Variants in ADCY1 observed in about 807,000 individuals in gnomAD.
ADCY1 encodes the protein adenylate cyclase type 1.
A neutral mutation model predicts 105.4 loss-of-function variants in ADCY1; 28 were observed. That is an observed-to-expected ratio of 0.27 (90% CI 0.20 to 0.36). The LOEUF is 0.36. Among genes scored for constraint, ADCY1 ranks in the 10% least tolerant of loss-of-function variants. The probability of loss-of-function intolerance (pLI) is 1.00; values close to 1 mark genes in which losing one functional copy is unlikely to be tolerated. For synonymous variants in ADCY1, 655 were observed against 623.8 expected (o/e 1.05, Z -0.75); for missense variants, 977 against 1,434.2 (o/e 0.68, Z 5.15).
At chr7:45,667,739 A>C (rs1180208351) in intron 8 of ADCY1, among the ~76,000 whole-genome samples, 1 of 152,108 alleles carries the variant, frequency 6.6e-6, no homozygotes, top group Non-Finnish European at 1.5e-5. Flanking sequence ...CATTTTCATG[A>C]TATTAATTCT....
At chr7:45,601,520 G>A (rs540323695) in intron 2 of ADCY1, among the ~76,000 whole-genome samples, 1 of 152,190 alleles carries the variant, frequency 6.6e-6, no homozygotes, top group Admixed American at 6.5e-5. Context: ...AACTTTAGAG[G>A]CCATTATTGT....
chr7:45,608,615 G>T (rs1313694371), intron 2 of ADCY1, among the ~76,000 whole-genome samples: 2 of 152,260 alleles, frequency 1.3e-5, no homozygotes, highest in African/African-American at 4.8e-5. Context: ...AAGTCAGGAT[G>T]TGTGCCAGGG....
Position 45,708,065 on chromosome 7 carries a change from G to A in ADCY1, c.2818-285G>A, listed in dbSNP as rs1377026323. 1.3e-5 allele frequency among the ~76,000 whole-genome samples: 2 copies of A among 152,190 alleles called. No homozygotes were observed. The highest frequency in any genetic ancestry group is 2.9e-5 in the Non-Finnish European group (2 of 68,038). On this transcript the variant is annotated intron_variant, in intron 17 of 19. Coordinates refer to ENST00000297323, the MANE Select transcript of ADCY1 (RefSeq NM_021116.4). The surrounding 1 kb of genome is among the most constrained non-coding windows in gnomAD (Gnocchi z 4.7). The stretch of plus-strand genomic sequence containing the variant: ...GCCATTAGCAACGCTGTCCAAGCAG[G>A]AGTTTGAGCACCTGGTCTCCCACTC...
At chr7:45,632,478 A>G (rs1422221758) in intron 4 of ADCY1, among the ~76,000 whole-genome samples, 2 of 151,314 alleles carry the variant, frequency 1.3e-5, no homozygotes, top group African/African-American at 4.9e-5. Context: ...AGATTTATTT[A>G]GATATTCTTT....
At chr7:45,693,117 G>A (rs957789785) in intron 14 of ADCY1, among the ~76,000 whole-genome samples, 1 of 152,144 alleles carries the variant, frequency 6.6e-6, no homozygotes, top group Non-Finnish European at 1.5e-5. Context: ...CGATAGAATC[G>A]CTGGACAGAA....
chr7:45,652,329 C>T (rs745489962), intron 5 of ADCY1, among the ~76,000 whole-genome samples: 1 of 152,128 alleles, frequency 6.6e-6, no homozygotes, highest in African/African-American at 2.4e-5. Context: ...TTGAAGCATC[C>T]CATGCAGATT....
chr7:45,712,795 G>A (rs998135295), intron 19 of ADCY1, among the ~76,000 whole-genome samples: 2 of 152,180 alleles, frequency 1.3e-5, no homozygotes, highest in African/African-American at 4.8e-5. Context: ...CATGTCCTCT[G>A]TTCACAGGAC....
At chr7:45,631,771 A>G (rs1794265840) in intron 4 of ADCY1, among the ~76,000 whole-genome samples, 1 of 152,260 alleles carries the variant, frequency 6.6e-6, no homozygotes, top group East Asian at 1.9e-4. Context: ...AATAATCACA[A>G]TCATTTGTTT....
At chr7:45,607,207 A>G (rs1027111315) in intron 2 of ADCY1, among the ~76,000 whole-genome samples, 1 of 152,212 alleles carries the variant, frequency 6.6e-6, no homozygotes. Flanking sequence ...AGTGGCTTAC[A>G]GAAGTAACAT....
chr7:45,715,827 G>A lies in ADCY1; in HGVS notation c.*1832G>A, dbSNP rs1785348018. On this transcript the variant is annotated 3_prime_UTR_variant, in exon 20 of 20. Coordinates refer to ENST00000297323, the MANE Select transcript of ADCY1 (RefSeq NM_021116.4). ...AAGGCGGGTAGAGGCTGCATGTGGGGGCCCCTGTCTGCCTGTCCTTAGGGT... is the reference window on the plus strand; with the variant it reads ...AAGGCGGGTAGAGGCTGCATGTGGGAGCCCCTGTCTGCCTGTCCTTAGGGT... 6.5e-6 allele frequency: 1 copy of A among 152,712 alleles called. No individual in the cohort carries two copies. The highest frequency in any genetic ancestry group is 1.9e-4 in the East Asian group (1 of 5,208). The allele number at this position is 152,712 out of a possible 1,614,324, so 9.5% of individuals were successfully genotyped here.
In ADCY1 at chr7:45,685,943, G is replaced by C; in HGVS notation, c.2074-19G>C. 1 of 1,606,226 alleles carries C rather than the reference G, an allele frequency of 6.2e-7. No homozygotes were observed. The highest frequency in any genetic ancestry group is 8.5e-7 in the Non-Finnish European group (1 of 1,175,748). On this transcript the variant is annotated intron_variant, in intron 12 of 19. Coordinates refer to ENST00000297323, the MANE Select transcript of ADCY1 (RefSeq NM_021116.4). The stretch of plus-strand genomic sequence containing the variant: ...TTCACCTGCCCTTTGCTAAGCCCCT[G>C]TGACCCCTCCCTTCCCAGGTGGGCT...
intron 18 of ADCY1, among the ~76,000 whole-genome samples, chr7:45,709,949 C>A (rs1785193033): frequency 6.6e-6 from 1 of 152,206 alleles, no homozygotes; most frequent in Admixed American, 6.5e-5. Flanking sequence ...TGCTGTCCAG[C>A]TGGTCTGCAG....
chr7:45,680,323 C>G (rs1162112401), intron 11 of ADCY1: 2 of 184,456 alleles, frequency 1.1e-5, no homozygotes, highest in Admixed American at 5.3e-5. Flanking sequence ...TATCTGGGCC[C>G]TGATGCCTCA....
intron 2 of ADCY1, among the ~76,000 whole-genome samples, chr7:45,603,462 CT>C (rs138588830): frequency 2.6e-5 from 4 of 151,652 alleles, no homozygotes; most frequent in Admixed American, 6.6e-5. Flanking sequence ...TATTCAGAAT[CT>C]TTTTTTTTGT....
At chr7:45,711,644 T>TACACAC (rs1554333220) in intron 19 of ADCY1, among the ~76,000 whole-genome samples, 57 of 51,396 alleles carry the variant, frequency 1.1e-3, no homozygotes, top group Non-Finnish European at 1.7e-3. Context: ...TATATATATA[T>TACACAC]ACACACACAC....
Position 45,721,509 on chromosome 7 carries a change from T to TC in ADCY1, c.*7516dup. ...TCAAATGGGGAGAAATGGTGGCACC[T>TC]CCAGACACCCTGAAACTACACACCA... is the stretch of plus-strand genomic sequence containing the variant. On this transcript the variant is annotated 3_prime_UTR_variant, in exon 20 of 20. Transcript: ENST00000297323. The TC allele has an allele frequency of 2.5e-6, 1 of 396,224 alleles. No homozygotes were observed. The allele number at this position is 396,224 out of a possible 1,614,324, so 24.5% of individuals were successfully genotyped here.
chr7:45,587,688 G>T (rs1584250054), intron 1 of ADCY1, among the ~76,000 whole-genome samples: 1 of 152,116 alleles, frequency 6.6e-6, no homozygotes, highest in East Asian at 1.9e-4. Context: ...CTAGTCTAGT[G>T]ACCACGAGTG....
At position 45,696,612 on chromosome 7, in the gene ADCY1, G is replaced by A. The variant is rs564175710; in HGVS notation, c.2455-6764G>A. On this transcript the variant is annotated intron_variant, in intron 14 of 19. Transcript: ENST00000297323. ...ACAAGGGAGCTTGTGCTGGCAACAC[G>A]TGCTCAGGGTCAGGCTCTCAGCCCT... 3.9e-5 allele frequency among the ~76,000 whole-genome samples: 6 copies of A among 152,238 alleles called. No individual in the cohort carries two copies. In the East Asian group the frequency reaches 9.7e-4, roughly 25 times the overall value.
intron 1 of ADCY1, among the ~76,000 whole-genome samples, chr7:45,580,390 G>A (rs1019577660): frequency 6.6e-6 from 1 of 152,224 alleles, no homozygotes; most frequent in South Asian, 2.1e-4. Context: ...GTCTGCAGCT[G>A]CCGGGGCCTC....
Sources: allele counts gnomAD v4.1 joint callset (sites outside exome capture counted in the v4.1 genomes callset), GRCh38; gene constraint gnomAD v4.1.1; non-coding constraint Gnocchi (gnomAD v3.1); transcripts MANE v1.5; gene names NCBI Gene and HGNC (gene_info 2026-07-23, HGNC 2026-07-21).